Variants in NDE1 observed in about 807,000 individuals in gnomAD.
NDE1 encodes nudE neurodevelopment protein 1, also known as nuclear distribution protein nudE homolog 1.
A neutral mutation model predicts 43.4 loss-of-function variants in NDE1; 28 were observed. That is an observed-to-expected ratio of 0.65 (90% CI 0.48 to 0.89). NDE1 has a LOEUF of 0.89. Ranked by LOEUF, NDE1 falls within the 40% of genes least tolerant of loss-of-function variation. The pLI is 0.00. For synonymous variants in NDE1, 184 were observed against 172.0 expected (o/e 1.07, Z -0.55); for missense variants, 441 against 434.1 (o/e 1.02, Z -0.14).
chr16:15,674,879 A>AT (rs2037787091), intron 3 of NDE1, among the ~76,000 whole-genome samples: 1 of 151,616 alleles, frequency 6.6e-6, no homozygotes, highest in Non-Finnish European at 1.5e-5. Flanking sequence ...GCTAATTTTT[A>AT]TTTTTTGTAG....
At chr16:15,710,217 T>C (rs1006712440) in intron 8 of NDE1, among the ~76,000 whole-genome samples, 4 of 152,128 alleles carry the variant, frequency 2.6e-5, no homozygotes, top group Non-Finnish European at 4.4e-5. Flanking sequence ...AGGTGTCCAG[T>C]GTGTGCTAAA....
intron 4 of NDE1, among the ~76,000 whole-genome samples, chr16:15,681,074 G>C (rs1188601594): frequency 6.8e-6 from 1 of 147,848 alleles, no homozygotes; most frequent in Non-Finnish European, 1.5e-5. Flanking sequence ...CTTGGTTCTT[G>C]ATTGTTCATG....
chr16:15,667,107 G>A (rs1319091008), intron 2 of NDE1, among the ~76,000 whole-genome samples, 179 bp from the exon 3 acceptor site: 1 of 152,104 alleles, frequency 6.6e-6, no homozygotes, highest in Non-Finnish European at 1.5e-5. Context: ...TTAGCTGGGT[G>A]TGGTGCCGCA....
intron 3 of NDE1, among the ~76,000 whole-genome samples, chr16:15,674,369 G>A (rs1948875360): frequency 1.3e-5 from 2 of 151,820 alleles, no homozygotes; most frequent in African/African-American, 4.8e-5. Context: ...TCAGCCTCCC[G>A]AGTGGCTGGG....
intron 4 of NDE1, among the ~76,000 whole-genome samples, chr16:15,679,563 G>C (rs1279652695): frequency 6.6e-6 from 1 of 152,084 alleles, no homozygotes; most frequent in Admixed American, 6.6e-5. Flanking sequence ...TTAGATGTAG[G>C]ATTTGTGTTT....
chr16:15,701,601 T>C (rs1211168165), intron 8 of NDE1: 1 of 152,202 alleles, frequency 6.6e-6, no homozygotes, highest in African/African-American at 2.4e-5. Context: ...GAACGTGGGA[T>C]TTCCAACGCA....
In NDE1 at chr16:15,708,860, C is replaced by T. The variant is rs769187225; in HGVS notation, c.947+12000C>T. 8.1e-6 allele frequency: 13 copies of T among 1,608,300 alleles called. No homozygotes were observed. The highest frequency in any genetic ancestry group is 1.0e-5 in the Non-Finnish European group (12 of 1,177,574). ...GGGCCCTCTGAAACAGAGAGAGAATCCCCGGAGGTTACCATCAGCAAACAA... is the reference window on the plus strand; with the variant it reads ...GGGCCCTCTGAAACAGAGAGAGAATTCCCGGAGGTTACCATCAGCAAACAA... On this transcript the variant is annotated intron_variant, in intron 8 of 8. Transcript: ENST00000396354.
chr16:15,717,042 G>T, intron 8 of NDE1: 1 of 1,317,314 alleles, frequency 7.6e-7, no homozygotes. Context: ...CTTCTTACAA[G>T]CCAGAACTGA....
At chr16:15,703,549 TACAA>T (rs2039296306) in intron 8 of NDE1, 2 of 334,820 alleles carry the variant, frequency 6.0e-6, no homozygotes, top group East Asian at 9.1e-5. Context: ...TCTTACATCA[TACAA>T]ACTTCAATTT....
intron 8 of NDE1, chr16:15,721,661 T>C (rs2040492092): frequency 6.2e-7 from 1 of 1,611,240 alleles, no homozygotes; most frequent in African/African-American, 1.3e-5. Flanking sequence ...AGAGGTGACT[T>C]CTAGGCATAT....
At chr16:15,674,938 GT>G (rs1208137520) in intron 3 of NDE1, among the ~76,000 whole-genome samples, 1 of 152,078 alleles carries the variant, frequency 6.6e-6, no homozygotes, top group Non-Finnish European at 1.5e-5. Flanking sequence ...TTGTAATACG[GT>G]GATAATGTGT....
At chr16:15,685,145 A>G (rs1006942827) in intron 4 of NDE1, among the ~76,000 whole-genome samples, 5 of 152,228 alleles carry the variant, frequency 3.3e-5, no homozygotes, top group Non-Finnish European at 5.9e-5. Flanking sequence ...ACTACTCTAC[A>G]TATTATTATG....
intron 8 of NDE1, chr16:15,703,768 T>C: frequency 1.7e-6 from 1 of 604,492 alleles, no homozygotes; most frequent in East Asian, 3.2e-5. Context: ...TTTAAATTCT[T>C]GTATAGATGA....
intron 1 of NDE1, among the ~76,000 whole-genome samples, chr16:15,662,202 G>A (rs2037080024): frequency 6.6e-6 from 1 of 151,592 alleles, no homozygotes; most frequent in Admixed American, 6.6e-5. Flanking sequence ...GCCTCCCATA[G>A]TGCTGGGATT....
At chr16:15,717,640 C>G (rs976909752) in intron 8 of NDE1, 23 of 518,254 alleles carry the variant, frequency 4.4e-5, no homozygotes, top group African/African-American at 4.4e-4. Context: ...ATTAAAAATA[C>G]AAAAATTAGC....
intron 8 of NDE1, chr16:15,711,228 A>G (rs2039775060): frequency 6.6e-6 from 1 of 152,188 alleles, no homozygotes; most frequent in Non-Finnish European, 1.5e-5. Context: ...CCCAAACTCT[A>G]GAGGTGATTT....
chr16:15,644,279 AT>A (rs1436206943), intron 1 of NDE1, among the ~76,000 whole-genome samples: 1 of 152,224 alleles, frequency 6.6e-6, no homozygotes, highest in Non-Finnish European at 1.5e-5. Flanking sequence ...GCCCAAAAAA[AT>A]CCTTACTGGG....
At chr16:15,670,933 G>A (rs2037562374) in intron 3 of NDE1, among the ~76,000 whole-genome samples, 1 of 152,170 alleles carries the variant, frequency 6.6e-6, no homozygotes, top group African/African-American at 2.4e-5. Flanking sequence ...CACGTTGAAG[G>A]TGGTCATTGA....
At chr16:15,722,742 C>T (rs1439559631) in intron 8 of NDE1, among the ~76,000 whole-genome samples, 1 of 152,084 alleles carries the variant, frequency 6.6e-6, no homozygotes, top group Non-Finnish European at 1.5e-5. Flanking sequence ...GTACAATCCT[C>T]ATTTTATTTA....
Sources: allele counts gnomAD v4.1 joint callset (sites outside exome capture counted in the v4.1 genomes callset), GRCh38; gene constraint gnomAD v4.1.1; transcripts MANE v1.5; gene names NCBI Gene and HGNC (gene_info 2026-07-23, HGNC 2026-07-21).